FRMPD4: variants seen among roughly 807,000 people sequenced by gnomAD.
FRMPD4 encodes the protein FERM and PDZ domain containing 4.
Under a neutral mutation model 94.1 loss-of-function variants are expected in FRMPD4, and 22 were observed. That is an observed-to-expected ratio of 0.23 (90% CI 0.17 to 0.33). FRMPD4 has a LOEUF of 0.33. FRMPD4 is among the 10% of genes least tolerant of loss of function. The pLI is 1.00. For missense variants in FRMPD4, 1,111 were observed against 1,339.9 expected (o/e 0.83, Z 2.67); for synonymous variants, 631 against 548.6 (o/e 1.15, Z -2.10).
intron 1 of FRMPD4, among the ~76,000 whole-genome samples, chrX:12,442,628 G>A (rs1406657306): frequency 9.0e-6 from 1 of 111,529 alleles, no homozygotes; most frequent in African/African-American, 3.3e-5. Flanking sequence ...CACTTCTGGT[G>A]GGAATAAATA....
chrX:12,602,959 G>A (rs1212367883), intron 2 of FRMPD4, among the ~76,000 whole-genome samples: 1 of 112,269 alleles, frequency 8.9e-6, no homozygotes, highest in African/African-American at 3.2e-5. Context: ...TAGTGGGAAG[G>A]TACTGGAAAG....
At chrX:12,676,059 G>A (rs1368533452) in intron 5 of FRMPD4, among the ~76,000 whole-genome samples, 1 of 112,168 alleles carries the variant, frequency 8.9e-6, no homozygotes, top group Non-Finnish European at 1.9e-5. Flanking sequence ...AATATTGACT[G>A]TCACTGTTAA....
At chrX:12,232,815 G>T (rs1424998443) in intron 1 of FRMPD4, among the ~76,000 whole-genome samples, 1 of 111,772 alleles carries the variant, frequency 8.9e-6, no homozygotes, top group African/African-American at 3.3e-5. Flanking sequence ...GAGACACAAG[G>T]ACAAATAAGA....
At position 12,246,574 on chromosome X, in the gene FRMPD4, A is replaced by G. The variant is rs755628228; in HGVS notation, c.41+107562A>G. ...AGACTGAGATTATTTTTAAGGATATATTTTCACATTATCTGATAATGCTGT... is the reference window on the plus strand; with the variant it reads ...AGACTGAGATTATTTTTAAGGATATGTTTTCACATTATCTGATAATGCTGT... On this transcript the variant is annotated intron_variant, in intron 1 of 16. Coordinates refer to ENST00000675598, the MANE Select transcript of FRMPD4 (RefSeq NM_001368397.1). Among the ~76,000 whole-genome samples the G allele has an allele frequency of 3.6e-5, 4 of 111,609 alleles. No individual in the cohort carries two copies. The South Asian group carries it at 1.5e-3, about 42-fold the overall frequency.
chrX:11,908,369 A>C (rs1476357819), intron 3 of FRMPD4, among the ~76,000 whole-genome samples: 5 of 111,745 alleles, frequency 4.5e-5, no homozygotes, highest in Non-Finnish European at 9.4e-5. Context: ...CCCTCTATGG[A>C]TCTCTAATTT....
intron 3 of FRMPD4, among the ~76,000 whole-genome samples, chrX:12,113,975 A>C (rs2055387516): frequency 8.9e-6 from 1 of 112,264 alleles, no homozygotes; most frequent in Non-Finnish European, 1.9e-5. Flanking sequence ...TGTACAGAGA[A>C]CATTAAATTA....
intron 1 of FRMPD4, among the ~76,000 whole-genome samples, chrX:12,470,344 T>A (rs914042385): frequency 2.7e-5 from 3 of 111,974 alleles, no homozygotes; most frequent in Non-Finnish European, 5.6e-5. Context: ...CAAAATGTCA[T>A]TTTTTTCACA....
At chrX:12,662,126 T>C (rs2059720196) in intron 4 of FRMPD4, among the ~76,000 whole-genome samples, 1 of 112,037 alleles carries the variant, frequency 8.9e-6, no homozygotes, top group Non-Finnish European at 1.9e-5. Context: ...GAATAGTGAC[T>C]GTCCACCAGC....
intron 2 of FRMPD4, among the ~76,000 whole-genome samples, chrX:12,574,626 C>A (rs1298042487): frequency 9.0e-6 from 1 of 111,232 alleles, no homozygotes; most frequent in Non-Finnish European, 1.9e-5. Flanking sequence ...GCCTCCCCAG[C>A]AGCTGGGACC....
rs11443822 is a variant in FRMPD4, at chrX:12,454,815, G to GTTTT, written c.42-43852_42-43849dup. Among the ~76,000 whole-genome samples, 10 of 92,483 alleles carry GTTTT rather than the reference G, an allele frequency of 1.1e-4. 1 individual carries two copies. Among genetic ancestry groups the GTTTT allele is most frequent in the Non-Finnish European group, 1.3e-4 (6 of 47,153 alleles). The allele number at this position is 92,483 out of a possible 115,157, so 80.3% of individuals were successfully genotyped here. On this transcript the variant is annotated intron_variant, in intron 1 of 16. Coordinates refer to ENST00000675598, the MANE Select transcript of FRMPD4 (RefSeq NM_001368397.1). ...ATGAGGTTTGGAGTTAGAAAGCCAC[G>GTTTT]TTTTTTTTTTTTTTTTAAAGCTCTA...
intron 1 of FRMPD4, among the ~76,000 whole-genome samples, chrX:12,328,068 A>G (rs1485077749): frequency 9.0e-6 from 1 of 111,047 alleles, no homozygotes; most frequent in Non-Finnish European, 1.9e-5. Flanking sequence ...CTTAAGAAAT[A>G]TTTTTGAGGG....
chrX:12,472,633 G>T lies in FRMPD4; in HGVS notation c.42-26047G>T, dbSNP rs762943301. ...AAGTCCTTAAAGGACCTGATGGAGC[G>T]GAAAACCATGGCACAAGGACTACGT... is the stretch of plus-strand genomic sequence containing the variant. On this transcript the variant is annotated intron_variant, in intron 1 of 16. Coordinates refer to ENST00000675598, the MANE Select transcript of FRMPD4 (RefSeq NM_001368397.1). 3.7e-3 allele frequency among the ~76,000 whole-genome samples: 414 copies of T among 111,934 alleles called. 3 individuals carry two copies. The highest frequency in any genetic ancestry group is 6.5e-3 in the Non-Finnish European group (348 of 53,179).
At chrX:11,914,762 A>G (rs1451897201) in intron 3 of FRMPD4, among the ~76,000 whole-genome samples, 2 of 112,336 alleles carry the variant, frequency 1.8e-5, no homozygotes, top group Non-Finnish European at 1.9e-5. Flanking sequence ...GGCTAAACAT[A>G]TGGGAAAAAA....
At chrX:12,169,272 A>C (rs931317240) in intron 1 of FRMPD4, among the ~76,000 whole-genome samples, 1 of 111,858 alleles carries the variant, frequency 8.9e-6, no homozygotes, top group Non-Finnish European at 1.9e-5. Flanking sequence ...AGTTTTCTGG[A>C]CTGGAGGAAA....
At chrX:12,117,501 G>C (rs938353863) in intron 3 of FRMPD4, among the ~76,000 whole-genome samples, 6 of 111,195 alleles carry the variant, frequency 5.4e-5, no homozygotes, top group Admixed American at 4.8e-4. Flanking sequence ...ATGTCCTAAT[G>C]TTGCCATTTA....
chrX:11,830,979 G>C (rs946677474), intron 1 of FRMPD4, among the ~76,000 whole-genome samples: 4 of 111,060 alleles, frequency 3.6e-5, no homozygotes, highest in Admixed American at 1.9e-4. Flanking sequence ...GGTAAAGGAA[G>C]TAGGTTAATT....
intron 1 of FRMPD4, among the ~76,000 whole-genome samples, chrX:12,312,900 G>A (rs940429400): frequency 9.0e-6 from 1 of 111,152 alleles, no homozygotes; most frequent in African/African-American, 3.3e-5. Flanking sequence ...AATTGAGTAC[G>A]CACCCATGCT....
At chrX:12,587,584 T>A (rs2148388558) in intron 2 of FRMPD4, among the ~76,000 whole-genome samples, 1 of 109,768 alleles carries the variant, frequency 9.1e-6, no homozygotes, top group African/African-American at 3.5e-5. Flanking sequence ...CAAGGATCAT[T>A]CATGTTGTAG....
intron 1 of FRMPD4, among the ~76,000 whole-genome samples, chrX:12,382,760 A>G (rs1430468215): frequency 9.0e-6 from 1 of 111,249 alleles, no homozygotes; most frequent in African/African-American, 3.3e-5. Context: ...CCTATCTATC[A>G]TCTCTCAGCC....
Sources: gnomAD v4.1 joint callset for allele counts (sites outside exome capture counted in the v4.1 genomes callset) on GRCh38, gnomAD v4.1.1 for gene constraint, MANE v1.5 for transcripts, NCBI Gene and HGNC (gene_info 2026-07-23, HGNC 2026-07-21) for gene names.